OTUD7A: variants seen among roughly 807,000 people sequenced by gnomAD.
The protein encoded by OTUD7A is OTU deubiquitinase 7A.
Under a neutral mutation model 65.7 loss-of-function variants are expected in OTUD7A, and 12 were observed. That is an observed-to-expected ratio of 0.18 (90% CI 0.12 to 0.30). The LOEUF (loss-of-function observed/expected upper bound fraction) is 0.30. OTUD7A is among the 10% of genes least tolerant of loss of function. The probability of loss-of-function intolerance (pLI) is 1.00; values close to 1 mark genes in which losing one functional copy is unlikely to be tolerated. For synonymous variants in OTUD7A, 641 were observed against 586.3 expected (o/e 1.09, Z -1.35); for missense variants, 1,148 against 1,304.8 (o/e 0.88, Z 1.85).
At chr15:31,530,642 A>G (rs1366844425) in intron 6 of OTUD7A, 65 bp downstream of exon 6, 2 of 1,419,506 alleles carry the variant, frequency 1.4e-6, no homozygotes, top group Non-Finnish European at 2.0e-6. Context: ...TTCCTTCAAT[A>G]GCATATGTCT....
chr15:31,580,163 T>G (rs751548318), intron 3 of OTUD7A, among the ~76,000 whole-genome samples: 21 of 152,278 alleles, frequency 1.4e-4, no homozygotes, highest in Non-Finnish European at 2.5e-4. Context: ...TGGATAAACC[T>G]GAAAGTAGAA....
At chr15:31,526,884 T>C (rs2042022719) in intron 7 of OTUD7A, among the ~76,000 whole-genome samples, 1 of 152,138 alleles carries the variant, frequency 6.6e-6, no homozygotes, top group South Asian at 2.1e-4. Context: ...GGCAGTCATA[T>C]ATATAATTCA....
chr15:31,606,076 T>C (rs2141216693), intron 3 of OTUD7A, among the ~76,000 whole-genome samples: 1 of 152,346 alleles, frequency 6.6e-6, no homozygotes, highest in African/African-American at 2.4e-5. Flanking sequence ...CTTCAACCAA[T>C]GTCTCTGGTT....
At chr15:31,575,570 A>G (rs962637002) in intron 3 of OTUD7A, among the ~76,000 whole-genome samples, 1 of 152,204 alleles carries the variant, frequency 6.6e-6, no homozygotes, top group African/African-American at 2.4e-5. Flanking sequence ...CTTGTTCCAC[A>G]CATCCACCAT....
chr15:31,594,659 C>T (rs1351207509), intron 3 of OTUD7A, among the ~76,000 whole-genome samples: 1 of 152,220 alleles, frequency 6.6e-6, no homozygotes, highest in African/African-American at 2.4e-5. Flanking sequence ...TGTTCAGATT[C>T]AATGAAATCC....
intron 1 of OTUD7A, among the ~76,000 whole-genome samples, chr15:31,870,011 C>T (rs1897983016): frequency 6.6e-6 from 1 of 151,506 alleles, no homozygotes. Flanking sequence ...CCGCGGGGAC[C>T]CACGCAGTCA....
intron 1 of OTUD7A, among the ~76,000 whole-genome samples, chr15:31,685,706 C>G (rs1169257271): frequency 1.3e-5 from 2 of 152,230 alleles, no homozygotes; most frequent in East Asian, 3.9e-4. Context: ...GATCATTTGT[C>G]TTTTTGCTGG....
intron 1 of OTUD7A, chr15:31,767,421 G>C: frequency 1.3e-6 from 1 of 774,632 alleles, no homozygotes; most frequent in South Asian, 1.3e-5. Flanking sequence ...AACATAAGTT[G>C]GATTATTCAT....
At chr15:31,489,701 A>C (rs1355944055) in intron 10 of OTUD7A, among the ~76,000 whole-genome samples, 1 of 152,206 alleles carries the variant, frequency 6.6e-6, no homozygotes, top group Admixed American at 6.5e-5. Context: ...CACTGTGTTA[A>C]GTCACTGTGA....
intron 5 of OTUD7A, among the ~76,000 whole-genome samples, chr15:31,536,216 CA>C (rs1566908850): frequency 6.6e-6 from 1 of 152,192 alleles, no homozygotes; most frequent in Non-Finnish European, 1.5e-5. Flanking sequence ...GGCTGCTTTT[CA>C]AAAGAATGTG....
intron 3 of OTUD7A, among the ~76,000 whole-genome samples, chr15:31,610,617 A>ATATATATTTTTTTTTTTTTTTTT: frequency 3.3e-5 from 1 of 30,560 alleles, no homozygotes; most frequent in Non-Finnish European, 4.9e-5. Context: ...ATATATATAT[A>ATATATATTTTTTTTTTTTTTTTT]TTTTTTTTTT....
chr15:31,593,767 T>G (rs568156261), intron 3 of OTUD7A, among the ~76,000 whole-genome samples: 47 of 152,276 alleles, frequency 3.1e-4, no homozygotes, highest in African/African-American at 7.9e-4. Flanking sequence ...AAAAAACATA[T>G]AAGTTGATTT....
chr15:31,702,768 A>C (rs529333874), intron 1 of OTUD7A, among the ~76,000 whole-genome samples: 374 of 151,634 alleles, frequency 2.5e-3, no homozygotes, highest in African/African-American at 8.4e-3. Context: ...ATTTATATGG[A>C]GAGGTAGAAG....
At chr15:31,492,991 A>G (rs1287676608) in intron 10 of OTUD7A, among the ~76,000 whole-genome samples, 1 of 152,124 alleles carries the variant, frequency 6.6e-6, no homozygotes, top group African/African-American at 2.4e-5. Context: ...GGATCACTTG[A>G]GGTCAGGGGT....
intron 5 of OTUD7A, among the ~76,000 whole-genome samples, chr15:31,549,629 A>G (rs1234969376): frequency 1.3e-5 from 2 of 152,182 alleles, no homozygotes; most frequent in African/African-American, 4.8e-5. Context: ...AGAGAAAAGG[A>G]AAGTCAGAGA....
At chr15:31,664,270 C>T (rs1892255529) in intron 1 of OTUD7A, among the ~76,000 whole-genome samples, 1 of 127,850 alleles carries the variant, frequency 7.8e-6, no homozygotes, top group Admixed American at 7.3e-5. Flanking sequence ...AGTGGCTGCA[C>T]TAGTTTACAT....
chr15:31,614,504 A>C (rs1004624477), intron 3 of OTUD7A, among the ~76,000 whole-genome samples: 7 of 152,190 alleles, frequency 4.6e-5, no homozygotes. Context: ...TTGACTTTTA[A>C]ATGGAAATAA....
chr15:31,643,869 CT>C (rs764940475), intron 3 of OTUD7A, among the ~76,000 whole-genome samples: 8 of 152,178 alleles, frequency 5.3e-5, no homozygotes, highest in Non-Finnish European at 1.2e-4. Context: ...CAGAACTTCC[CT>C]TCTAACAAAA....
At chr15:31,501,610 C>T in intron 10 of OTUD7A, 80 bp downstream of exon 10, 3 of 1,573,608 alleles carry the variant, frequency 1.9e-6, no homozygotes, top group Non-Finnish European at 1.7e-6. Context: ...CAATCCACCT[C>T]CCCGTGCAAT....
Sources: allele counts gnomAD v4.1 joint callset (sites outside exome capture counted in the v4.1 genomes callset), GRCh38; gene constraint gnomAD v4.1.1; transcripts MANE v1.5; gene names NCBI Gene and HGNC (gene_info 2026-07-23, HGNC 2026-07-21).